Variants in DCC observed in about 807,000 individuals in gnomAD.
DCC encodes the protein netrin receptor DCC.
Under a neutral mutation model 172.5 loss-of-function variants are expected in DCC, and 58 were observed. That is an observed-to-expected ratio of 0.34 (90% CI 0.27 to 0.42). The LOEUF (loss-of-function observed/expected upper bound fraction) is 0.42. DCC is among the 10% of genes least tolerant of loss of function. DCC has a pLI of 1.00. For synonymous variants in DCC, 709 were observed against 644.5 expected (o/e 1.10, Z -1.52); for missense variants, 1,740 against 1,791.0 (o/e 0.97, Z 0.51).
intron 2 of DCC, among the ~76,000 whole-genome samples, chr18:52,788,305 C>T (rs1253421066): frequency 6.6e-6 from 1 of 152,076 alleles, no homozygotes; most frequent in Non-Finnish European, 1.5e-5. Context: ...TAACTCTTTG[C>T]AACTTTTAAT....
intron 2 of DCC, among the ~76,000 whole-genome samples, chr18:52,857,492 A>G (rs2039073309): frequency 6.6e-6 from 1 of 152,140 alleles, no homozygotes. Context: ...CAAATGACCC[A>G]CTGAAGCACT....
At chr18:52,737,328 T>G (rs2036745427) in intron 1 of DCC, among the ~76,000 whole-genome samples, 1 of 152,064 alleles carries the variant, frequency 6.6e-6, no homozygotes, top group Admixed American at 6.6e-5. Flanking sequence ...CTGCAGGACT[T>G]CCAGTTACCC....
chr18:53,304,007 C>A lies in DCC; in HGVS notation c.1912-1571C>A, dbSNP rs113800942. On this transcript the variant is annotated intron_variant, in intron 12 of 28. Transcript: ENST00000442544. Reference sequence around the variant, plus strand: ...GGAGTTTGGTGGTCCCATGGCTGATCTCCTACCCGACTATCCCCAGCTGAA... The same window carrying A: ...GGAGTTTGGTGGTCCCATGGCTGATATCCTACCCGACTATCCCCAGCTGAA... Among the ~76,000 whole-genome samples the A allele has an allele frequency of 4.7e-3, 714 of 152,168 alleles. 9 individuals are homozygous for A. Among genetic ancestry groups the A allele is most frequent in the African/African-American group, 0.016 (684 of 41,528 alleles).
In DCC at chr18:52,777,777, AAAG is replaced by A. The variant is rs532173761; in HGVS notation, c.412+25405_412+25407del. Among the ~76,000 whole-genome samples, 395 of 152,304 alleles carry A rather than the reference AAAG, an allele frequency of 2.6e-3. 2 individuals carry two copies. Among genetic ancestry groups the A allele is most frequent in the Non-Finnish European group, 2.3e-3 (154 of 68,024 alleles). ...AGGAGGCAGATCTCCAGGGAAAAAA[AAAG>A]ATTTGGTAGAATCAGTGGGATGTTT... On this transcript the variant is annotated intron_variant, in intron 2 of 28. Coordinates refer to ENST00000442544, the MANE Select transcript of DCC (RefSeq NM_005215.4).
intron 2 of DCC, among the ~76,000 whole-genome samples, chr18:52,765,031 T>TC (rs993911849): frequency 7.0e-6 from 1 of 143,488 alleles, no homozygotes; most frequent in African/African-American, 3.0e-5. Context: ...TTCTTTTTTT[T>TC]CTTTTTTTTT....
At chr18:53,098,812 GCC>G (rs2043123131) in intron 7 of DCC, among the ~76,000 whole-genome samples, 1 of 152,058 alleles carries the variant, frequency 6.6e-6, no homozygotes, top group Non-Finnish European at 1.5e-5. Context: ...TTTGAGACCA[GCC>G]TCAGTCACAT....
In DCC at chr18:53,148,077, A is replaced by G. The variant is rs751457293; in HGVS notation, c.1262-9279A>G. On this transcript the variant is annotated intron_variant, in intron 7 of 28. Transcript: ENST00000442544. ...CACATACAAAATTAAACTCCCTAGC[A>G]TTGATAAAATTATTTTTTTCCTTAA... Among the ~76,000 whole-genome samples, 3 of 152,226 alleles carry G rather than the reference A, an allele frequency of 2.0e-5. No individual in the cohort carries two copies. In the South Asian group the frequency reaches 6.2e-4, roughly 32 times the overall value.
In DCC at chr18:52,910,773, C is replaced by T. The variant is rs143573648; in HGVS notation, c.697+4445C>T. On this transcript the variant is annotated intron_variant, in intron 3 of 28. Transcript: ENST00000442544. ...TGAATTGATCAATTGGTAATTCAATCTATTATTTGTTTAACTACAGTTAGA... is the reference window on the plus strand; with the variant it reads ...TGAATTGATCAATTGGTAATTCAATTTATTATTTGTTTAACTACAGTTAGA... Among the ~76,000 whole-genome samples, 1,117 of 152,154 alleles carry T rather than the reference C, an allele frequency of 7.3e-3. 15 individuals are homozygous for T. Among genetic ancestry groups the T allele is most frequent in the Middle Eastern group, 0.034 (10 of 292 alleles).
chr18:52,476,291 A>G (rs1198305988), intron 1 of DCC, among the ~76,000 whole-genome samples: 1 of 152,106 alleles, frequency 6.6e-6, no homozygotes. Flanking sequence ...TTGAAGTTTT[A>G]TTTCAAATCA....
At chr18:53,409,542 A>C (rs1355509446) in intron 19 of DCC, among the ~76,000 whole-genome samples, 2 of 152,164 alleles carry the variant, frequency 1.3e-5, no homozygotes, top group African/African-American at 4.8e-5. Context: ...GTTATCTGGC[A>C]ATATAATATA....
At chr18:53,311,517 G>A (rs1376897470) in intron 13 of DCC, among the ~76,000 whole-genome samples, 2 of 152,214 alleles carry the variant, frequency 1.3e-5, no homozygotes, top group African/African-American at 4.8e-5. Flanking sequence ...GGTGAATTGT[G>A]TGTTGTCTAA....
At chr18:53,149,147 C>T (rs1298225587) in intron 7 of DCC, among the ~76,000 whole-genome samples, 1 of 152,078 alleles carries the variant, frequency 6.6e-6, no homozygotes, top group Admixed American at 6.6e-5. Flanking sequence ...AGGCATGAGC[C>T]ACCACGCCCC....
chr18:53,175,382 A>C (rs954912084), intron 8 of DCC, among the ~76,000 whole-genome samples: 9 of 152,250 alleles, frequency 5.9e-5, no homozygotes, highest in Non-Finnish European at 5.9e-5. Context: ...AGAGGAAGTC[A>C]AATTGTCCCT....
intron 1 of DCC, among the ~76,000 whole-genome samples, chr18:52,532,319 A>G (rs1474783094): frequency 2.0e-5 from 3 of 152,214 alleles, no homozygotes; most frequent in African/African-American, 7.2e-5. Flanking sequence ...AAATCTCTCA[A>G]GAATTCCTTA....
chr18:53,356,259 T>C (rs1028077896), intron 15 of DCC, among the ~76,000 whole-genome samples: 38 of 152,086 alleles, frequency 2.5e-4, no homozygotes, highest in African/African-American at 8.7e-4. Flanking sequence ...ATATATAGAA[T>C]ACAGTCATAA....
At position 53,066,106 on chromosome 18, in the gene DCC, G is replaced by C; in HGVS notation, c.1201G>C (p.Val401Leu). ...GTCAGATGAAGGCTTTTATCAATGT[G>C]TGGCTGAAAATGAGGCTGGAAATGC... ...VKSDEGFYQC[V>L]AENEAGNAQT... Residue 401 changes from valine to leucine, a missense_variant, in exon 7 of 29, where the codon GTG (valine) becomes CTG (leucine). By Grantham distance (32) the Val-to-Leu change is conservative (BLOSUM62 1). Transcript: ENST00000442544. 6.2e-7 allele frequency: 1 copy of C among 1,613,386 alleles called. No individual in the cohort carries two copies. Among genetic ancestry groups the C allele is most frequent in the Non-Finnish European group, 8.5e-7 (1 of 1,179,606 alleles).
At chr18:52,513,170 G>A (rs1032530141) in intron 1 of DCC, among the ~76,000 whole-genome samples, 14 of 152,212 alleles carry the variant, frequency 9.2e-5, no homozygotes, top group African/African-American at 3.4e-4. Flanking sequence ...TTGGAAAGAA[G>A]GGATAGTAAT....
chr18:52,391,798 T>C (rs1598778591), intron 1 of DCC, among the ~76,000 whole-genome samples: 1 of 151,986 alleles, frequency 6.6e-6, no homozygotes, highest in African/African-American at 2.4e-5. Context: ...CTATTGGGGG[T>C]AGGGTGACTG....
intron 27 of DCC, among the ~76,000 whole-genome samples, chr18:53,507,083 C>G (rs1479175097): frequency 1.5e-5 from 2 of 135,268 alleles, no homozygotes; most frequent in Non-Finnish European, 3.3e-5. Context: ...CTCCCTTTCT[C>G]CTTTTTGTTT....
Sources: gnomAD v4.1 joint callset for allele counts (sites outside exome capture counted in the v4.1 genomes callset) on GRCh38, gnomAD v4.1.1 for gene constraint, MANE v1.5 for transcripts, NCBI Gene and HGNC (gene_info 2026-07-23, HGNC 2026-07-21) for gene names.